TNRC18: variants seen among roughly 807,000 people sequenced by gnomAD.
TNRC18 encodes the protein trinucleotide repeat-containing gene 18 protein.
A neutral mutation model predicts 226.7 loss-of-function variants in TNRC18; 69 were observed. The observed-to-expected ratio is 0.30, with a 90% confidence interval of 0.25 to 0.37. The LOEUF is 0.37. Among genes scored for constraint, TNRC18 ranks in the 10% least tolerant of loss-of-function variants. The pLI is 1.00. For synonymous variants in TNRC18, 2,449 were observed against 1,927.6 expected (o/e 1.27, Z -7.09); for missense variants, 4,754 against 4,256.6 (o/e 1.12, Z -3.25).
At chr7:5,315,820 C>T (rs1045979565) in intron 25 of TNRC18, 136 bp downstream of exon 25, 4 of 617,438 alleles carry the variant, frequency 6.5e-6, no homozygotes, top group East Asian at 6.5e-5. Context: ...CACGGGAGCC[C>T]ACCCATGGCT....
At position 5,377,321 on chromosome 7, in the gene TNRC18, C is replaced by CA; in HGVS notation, c.2461+49_2461+50insT. 2 of 1,094,812 alleles carry CA rather than the reference C, an allele frequency of 1.8e-6. No homozygotes were observed. The highest frequency in any genetic ancestry group is 2.6e-6 in the Non-Finnish European group (2 of 763,686). 67.8% of individuals were successfully genotyped at this position (1,094,812 alleles called of 1,614,324 possible). On this transcript the variant is annotated intron_variant, in intron 7 of 29. Coordinates refer to ENST00000430969, the MANE Select transcript of TNRC18 (RefSeq NM_001080495.3). The surrounding 1 kb of genome is among the most constrained non-coding windows in gnomAD (Gnocchi z 5.8). ...TGAGCTCTTGTCCTGCACCCGCCCCCTCCCACCCCTCCCTCAGAGAAGGGG... is the reference window on the plus strand; with the variant it reads ...TGAGCTCTTGTCCTGCACCCGCCCCCATCCCACCCCTCCCTCAGAGAAGGGG...
rs368072689 is a variant in TNRC18 at position 5,351,149 on chromosome 7, G to A, written c.5470+670C>T. 3.4e-4 allele frequency among the ~76,000 whole-genome samples: 51 copies of A among 152,110 alleles called. 1 individual carries two copies. The highest frequency in any genetic ancestry group is 1.2e-3 in the African/African-American group (50 of 41,476). On this transcript the variant is annotated intron_variant, in intron 17 of 29. Coordinates refer to ENST00000430969, the MANE Select transcript of TNRC18 (RefSeq NM_001080495.3). ...AGGGATATTTGAATAACACAGGCAAGCGGCAGGCGGCACGGTCCCGTCCCT... is the reference window on the plus strand; with the variant it reads ...AGGGATATTTGAATAACACAGGCAAACGGCAGGCGGCACGGTCCCGTCCCT...
At position 5,309,488 on chromosome 7, in the gene TNRC18, T is replaced by G. The variant is rs927842601; in HGVS notation, c.8389-120A>C. On this transcript the variant is annotated intron_variant, in intron 27 of 29. Transcript: ENST00000430969. The surrounding 1 kb of genome is among the most constrained non-coding windows in gnomAD (Gnocchi z 5.7). ...GCCTCTAAATCAACCCCTATCCAAC[T>G]GTGGGGAGATGAGGAAGCTCCTTGT... is the stretch of plus-strand genomic sequence containing the variant. 3.8e-6 allele frequency: 3 copies of G among 789,438 alleles called. No individual in the cohort carries two copies. The African/African-American group carries it at 5.2e-5, about 14-fold the overall frequency. 48.9% of individuals were successfully genotyped at this position (789,438 alleles called of 1,614,324 possible).
At chr7:5,340,339 C>T (rs1003730532) in intron 18 of TNRC18, among the ~76,000 whole-genome samples, 6 of 152,340 alleles carry the variant, frequency 3.9e-5, no homozygotes, top group African/African-American at 1.4e-4. Context: ...TCCTCATCCA[C>T]AGCAAGGCCC....
chr7:5,384,691 C>A (rs1772080861), intron 5 of TNRC18, among the ~76,000 whole-genome samples: 1 of 152,210 alleles, frequency 6.6e-6, no homozygotes. Context: ...CCCAGGGGGG[C>A]CCACAGCCCC....
intron 19 of TNRC18, among the ~76,000 whole-genome samples, chr7:5,328,768 C>T (rs1789208110): frequency 6.6e-6 from 1 of 152,040 alleles, no homozygotes; most frequent in Admixed American, 6.6e-5. Flanking sequence ...CCTCGGCCTC[C>T]CAAAGTGCTG....
At chr7:5,355,311 C>T (rs897449124) in intron 16 of TNRC18, among the ~76,000 whole-genome samples, 1 of 152,208 alleles carries the variant, frequency 6.6e-6, no homozygotes, top group Non-Finnish European at 1.5e-5. Flanking sequence ...TTCTTCAGTC[C>T]CATCAGGAAT....
At chr7:5,336,254 G>C (rs930727165) in intron 18 of TNRC18, among the ~76,000 whole-genome samples, 1 of 149,196 alleles carries the variant, frequency 6.7e-6, no homozygotes, top group African/African-American at 2.5e-5. Context: ...CCAAGAAAAT[G>C]CATCACATTC....
At chr7:5,361,783 G>GCACACGATGCA in intron 13 of TNRC18, 61 bp from the exon 14 acceptor site, 2 of 1,536,564 alleles carry the variant, frequency 1.3e-6, no homozygotes, top group African/African-American at 1.4e-5. Flanking sequence ...CGGAGAACGG[G>GCACACGATGCA]CACACGATGC....
intron 2 of TNRC18, among the ~76,000 whole-genome samples, chr7:5,397,993 G>A (rs1228488444): frequency 1.3e-5 from 2 of 152,032 alleles, no homozygotes; most frequent in African/African-American, 4.8e-5. Flanking sequence ...CCAATTGCAC[G>A]AGTGTTGTTT....
At chr7:5,335,719 A>G (rs559173848) in intron 18 of TNRC18, among the ~76,000 whole-genome samples, 2 of 151,874 alleles carry the variant, frequency 1.3e-5, no homozygotes, top group East Asian at 3.9e-4. Flanking sequence ...GACTCCAAGC[A>G]GCCCAGGGCT....
chr7:5,336,208 A>G (rs966261924), intron 18 of TNRC18, among the ~76,000 whole-genome samples: 3 of 144,940 alleles, frequency 2.1e-5, no homozygotes, highest in African/African-American at 7.6e-5. Flanking sequence ...CTCTGTTTTA[A>G]AAAAAAAAAA....
chr7:5,364,360 A>T (rs1793387570), intron 11 of TNRC18, among the ~76,000 whole-genome samples: 1 of 152,078 alleles, frequency 6.6e-6, no homozygotes, highest in South Asian at 2.1e-4. Context: ...CGGGAGGCTG[A>T]GGCAAGAAGA....
chr7:5,344,372 C>G (rs10268547), intron 18 of TNRC18, among the ~76,000 whole-genome samples: 137,059 of 152,212 alleles, frequency 0.9, 61,853 homozygotes, highest in East Asian at 1. Context: ...TCTGTATGAA[C>G]AATACCTAAG....
chr7:5,385,852 G>A (rs1054296888), intron 5 of TNRC18, among the ~76,000 whole-genome samples: 9 of 151,172 alleles, frequency 6.0e-5, no homozygotes, highest in Middle Eastern at 3.2e-3. Context: ...GCATGGTGGC[G>A]TGCACCTATA....
intron 2 of TNRC18, among the ~76,000 whole-genome samples, chr7:5,408,084 G>A (rs1347119484): frequency 1.3e-5 from 2 of 152,222 alleles, no homozygotes; most frequent in South Asian, 2.1e-4. Context: ...GGTGGATCAC[G>A]AGGTTAGGAG....
Position 5,319,870 on chromosome 7 carries a change from C to T in TNRC18, c.6745+448G>A, listed in dbSNP as rs548026883. Among the ~76,000 whole-genome samples, 7 of 152,326 alleles carry T rather than the reference C, an allele frequency of 4.6e-5. No individual in the cohort carries two copies. The South Asian group carries it at 1.4e-3, about 32-fold the overall frequency. On this transcript the variant is annotated intron_variant, in intron 24 of 29. Coordinates refer to ENST00000430969, the MANE Select transcript of TNRC18 (RefSeq NM_001080495.3). The stretch of plus-strand genomic sequence containing the variant: ...CAGGGGAAGCCACCCTCCCATCTTT[C>T]TCAGCCCACGAATAAAAGGGAGGTG...
At position 5,344,841 on chromosome 7, in the gene TNRC18, C is replaced by A. The variant is rs370076241; in HGVS notation, c.5719+721G>T. Among the ~76,000 whole-genome samples the A allele has an allele frequency of 1.7e-3, 257 of 152,204 alleles. 12 individuals carry two copies. In the South Asian group the frequency reaches 0.05, roughly 30 times the overall value. ...GCCCGGTGAGAACAGGGAGGGCCCA[C>A]GAGAGGGTCCCAAGAAGGCAGGGCC... On this transcript the variant is annotated intron_variant, in intron 18 of 29. Coordinates refer to ENST00000430969, the MANE Select transcript of TNRC18 (RefSeq NM_001080495.3).
rs565016892 is a variant in TNRC18 at position 5,325,509 on chromosome 7, T to C, written c.6148-261A>G. ...CGCGATCTTGGCTCACTGCAAGCTCTGCCTCCCGGGTTCACGCCATTCTCC... is the reference window on the plus strand; with the variant it reads ...CGCGATCTTGGCTCACTGCAAGCTCCGCCTCCCGGGTTCACGCCATTCTCC... On this transcript the variant is annotated intron_variant, in intron 19 of 29. Transcript: ENST00000430969. 1,090 of 397,830 alleles carry C rather than the reference T, an allele frequency of 2.7e-3. 4 individuals carry two copies. The highest frequency in any genetic ancestry group is 3.6e-3 in the Admixed American group (78 of 21,632). The allele number at this position is 397,830 out of a possible 1,614,324, so 24.6% of individuals were successfully genotyped here.
Sources: gnomAD v4.1 joint callset for allele counts (sites outside exome capture counted in the v4.1 genomes callset) on GRCh38, gnomAD v4.1.1 for gene constraint, Gnocchi (gnomAD v3.1) non-coding constraint, MANE v1.5 for transcripts, NCBI Gene and HGNC (gene_info 2026-07-23, HGNC 2026-07-21) for gene names.